SNTG1: variants seen among roughly 807,000 people sequenced by gnomAD.
SNTG1 encodes the protein syntrophin gamma 1.
SNTG1 carries 39 observed loss-of-function variants against 74.7 expected under a neutral mutation model. That is an observed-to-expected ratio of 0.52 (90% CI 0.40 to 0.68). SNTG1 has a LOEUF of 0.68. Ranked by LOEUF, SNTG1 falls within the 30% of genes least tolerant of loss-of-function variation. The probability of loss-of-function intolerance (pLI) is 0.00; values close to 1 mark genes in which losing one functional copy is unlikely to be tolerated. For synonymous variants in SNTG1, 254 were observed against 217.1 expected (o/e 1.17, Z -1.49); for missense variants, 685 against 609.5 (o/e 1.12, Z -1.30).
At chr8:50,769,077 G>C (rs2095620768) in intron 18 of SNTG1, among the ~76,000 whole-genome samples, 1 of 151,410 alleles carries the variant, frequency 6.6e-6, no homozygotes, top group Non-Finnish European at 1.5e-5. Context: ...TTTTCTCCTT[G>C]CATATAATTT....
At chr8:50,422,920 T>C (rs1249890802) in intron 4 of SNTG1, among the ~76,000 whole-genome samples, 1 of 152,154 alleles carries the variant, frequency 6.6e-6, no homozygotes, top group Non-Finnish European at 1.5e-5. Context: ...ATTTAAACTA[T>C]AACCTAAATA....
chr8:50,156,364 C>A (rs936747690), intron 1 of SNTG1, among the ~76,000 whole-genome samples: 1 of 151,924 alleles, frequency 6.6e-6, no homozygotes, highest in Non-Finnish European at 1.5e-5. Context: ...CGCTTATGAT[C>A]ACGGATGCTA....
At chr8:50,171,774 T>A (rs1396156579) in intron 1 of SNTG1, among the ~76,000 whole-genome samples, 1 of 152,174 alleles carries the variant, frequency 6.6e-6, no homozygotes, top group African/African-American at 2.4e-5. Context: ...TGAATCTGAT[T>A]CAGATTCAGA....
chr8:50,429,947 A>G (rs568932597), intron 4 of SNTG1, among the ~76,000 whole-genome samples: 47 of 152,310 alleles, frequency 3.1e-4, no homozygotes, highest in African/African-American at 8.2e-4. Context: ...AATCACAAAG[A>G]TAGATAATAA....
chr8:50,079,582 T>G (rs892110100), intron 1 of SNTG1, among the ~76,000 whole-genome samples: 2 of 152,196 alleles, frequency 1.3e-5, no homozygotes, highest in African/African-American at 4.8e-5. Context: ...ATCCCATTTG[T>G]CAATTTTGGC....
chr8:50,345,542 C>A (rs117199056), intron 2 of SNTG1, among the ~76,000 whole-genome samples: 4,451 of 152,242 alleles, frequency 0.029, 93 homozygotes, highest in Middle Eastern at 0.075. Flanking sequence ...GAAGATAAAA[C>A]ATGTAAAACA....
chr8:50,729,487 A>G (rs1276497078), intron 17 of SNTG1, among the ~76,000 whole-genome samples: 7 of 152,178 alleles, frequency 4.6e-5, no homozygotes, highest in Admixed American at 3.3e-4. Flanking sequence ...AGACACTTCT[A>G]ATGTCATAGA....
chr8:50,218,705 G>T (rs1360981160), intron 2 of SNTG1, among the ~76,000 whole-genome samples: 1 of 152,100 alleles, frequency 6.6e-6, no homozygotes, highest in Non-Finnish European at 1.5e-5. Context: ...ATAAAGTGCA[G>T]CTATAATCAG....
intron 1 of SNTG1, among the ~76,000 whole-genome samples, chr8:50,048,934 G>A (rs1222188171): frequency 1.3e-5 from 2 of 151,836 alleles, no homozygotes; most frequent in African/African-American, 2.4e-5. Context: ...TGTCATTTAC[G>A]ATTGATGCAG....
At chr8:50,745,121 G>A (rs1218533009) in intron 17 of SNTG1, among the ~76,000 whole-genome samples, 1 of 151,952 alleles carries the variant, frequency 6.6e-6, no homozygotes, top group Non-Finnish European at 1.5e-5. Context: ...GTCACCCACA[G>A]AATGGAAGAA....
chr8:49,946,228 G>A (rs547335944), intron 1 of SNTG1, among the ~76,000 whole-genome samples: 2 of 152,212 alleles, frequency 1.3e-5, no homozygotes, highest in South Asian at 4.2e-4. Flanking sequence ...TGTTGTTCAT[G>A]TAAATCTGAC....
chr8:50,560,930 A>C (rs912685502), intron 12 of SNTG1, among the ~76,000 whole-genome samples: 3 of 152,252 alleles, frequency 2.0e-5, no homozygotes, highest in African/African-American at 7.2e-5. Flanking sequence ...CATAATTAGA[A>C]TATTTCTCTA....
intron 1 of SNTG1, among the ~76,000 whole-genome samples, chr8:50,135,147 T>A (rs2081432087): frequency 6.6e-6 from 1 of 152,122 alleles, no homozygotes. Flanking sequence ...CCCTACCCCC[T>A]GTCAACAAGA....
chr8:50,077,704 A>T (rs565608186), intron 1 of SNTG1, among the ~76,000 whole-genome samples: 5 of 152,260 alleles, frequency 3.3e-5, no homozygotes, highest in Admixed American at 6.5e-5. Flanking sequence ...CATCATCCTA[A>T]AGTGCTTGCT....
At chr8:50,317,641 A>T (rs1488989688) in intron 2 of SNTG1, among the ~76,000 whole-genome samples, 1 of 152,158 alleles carries the variant, frequency 6.6e-6, no homozygotes, top group Non-Finnish European at 1.5e-5. Flanking sequence ...CTACCATAGG[A>T]AGAATTTGGT....
chr8:50,282,270 T>G lies in SNTG1; in HGVS notation c.-28+109635T>G, dbSNP rs562054421. ...AAATTTCTGAGCCTGTAATAAGCTC[T>G]CTCACCCTAAAACCAATAAATACTG... On this transcript the variant is annotated intron_variant, in intron 2 of 18. Coordinates refer to ENST00000642720, the MANE Select transcript of SNTG1 (RefSeq NM_018967.5). Among the ~76,000 whole-genome samples, 3 of 152,250 alleles carry G rather than the reference T, an allele frequency of 2.0e-5. 1 individual carries two copies. In the South Asian group the frequency reaches 6.2e-4, roughly 32 times the overall value.
At chr8:50,144,497 G>C (rs1037950971) in intron 1 of SNTG1, among the ~76,000 whole-genome samples, 2 of 152,206 alleles carry the variant, frequency 1.3e-5, no homozygotes, top group African/African-American at 4.8e-5. Flanking sequence ...ATTTCCATGG[G>C]TTATACAGGG....
At chr8:50,410,255 G>C (rs146087559) in intron 4 of SNTG1, among the ~76,000 whole-genome samples, 1 of 152,130 alleles carries the variant, frequency 6.6e-6, no homozygotes, top group Non-Finnish European at 1.5e-5. Context: ...GGGAGGCATG[G>C]TGTGTGCAGG....
At chr8:50,019,899 A>G (rs574941893) in intron 1 of SNTG1, among the ~76,000 whole-genome samples, 8 of 152,244 alleles carry the variant, frequency 5.3e-5, no homozygotes, top group African/African-American at 1.7e-4. Context: ...CTCTAAACAG[A>G]GGTGTTATTT....
Sources: gnomAD v4.1 joint callset for allele counts (sites outside exome capture counted in the v4.1 genomes callset) on GRCh38, gnomAD v4.1.1 for gene constraint, MANE v1.5 for transcripts, NCBI Gene and HGNC (gene_info 2026-07-23, HGNC 2026-07-21) for gene names.